The following MPPED2 variants were observed in gnomAD, a reference collection of about 807,000 sequenced individuals.
The protein encoded by MPPED2 is metallophosphoesterase MPPED2.
A neutral mutation model predicts 33.0 loss-of-function variants in MPPED2; 5 were observed. That is an observed-to-expected ratio of 0.15 (90% CI 0.08 to 0.32). The LOEUF is 0.32. MPPED2 is among the 10% of genes least tolerant of loss of function. MPPED2 has a pLI of 1.00. For synonymous variants in MPPED2, 136 were observed against 141.9 expected (o/e 0.96, Z 0.29); for missense variants, 275 against 372.1 (o/e 0.74, Z 2.15).
chr11:30,542,908 T>C, intron 2 of MPPED2, among the ~76,000 whole-genome samples: 1 of 152,176 alleles, frequency 6.6e-6, no homozygotes, highest in East Asian at 1.9e-4. Flanking sequence ...ATTTTAAAAA[T>C]GACAAAATAC....
chr11:30,540,107 TAGGTC>T (rs1955018012), intron 2 of MPPED2, among the ~76,000 whole-genome samples: 1 of 152,240 alleles, frequency 6.6e-6, no homozygotes, highest in Non-Finnish European at 1.5e-5. Context: ...GTAACAATTT[TAGGTC>T]AGTCATTGGC....
intron 4 of MPPED2, among the ~76,000 whole-genome samples, chr11:30,426,717 T>C (rs1446334012): frequency 3.3e-5 from 5 of 152,240 alleles, no homozygotes; most frequent in Non-Finnish European, 7.3e-5. Context: ...ACTTTGGCCT[T>C]CTTTTTTAAA....
At chr11:30,496,159 C>G (rs1952240775) in intron 3 of MPPED2, among the ~76,000 whole-genome samples, 1 of 152,044 alleles carries the variant, frequency 6.6e-6, no homozygotes, top group Non-Finnish European at 1.5e-5. Flanking sequence ...AAAGTTTAAC[C>G]CTCTTTTAAT....
intron 2 of MPPED2, among the ~76,000 whole-genome samples, chr11:30,567,820 A>G (rs1392007038): frequency 6.6e-6 from 1 of 152,240 alleles, no homozygotes; most frequent in Non-Finnish European, 1.5e-5. Context: ...ACTGAGAGTT[A>G]CACTGTCTCA....
chr11:30,468,073 A>C (rs1265603634), intron 4 of MPPED2, among the ~76,000 whole-genome samples: 1 of 152,182 alleles, frequency 6.6e-6, no homozygotes, highest in Non-Finnish European at 1.5e-5. Context: ...TTCAGTCCTC[A>C]TGTACTAGAG....
intron 4 of MPPED2, among the ~76,000 whole-genome samples, chr11:30,479,564 C>T (rs1389153558): frequency 6.6e-6 from 1 of 151,952 alleles, no homozygotes; most frequent in Non-Finnish European, 1.5e-5. Context: ...ATAGTGTAAG[C>T]AGAAAAGTCT....
At chr11:30,452,094 A>C in intron 4 of MPPED2, 1 of 985,440 alleles carries the variant, frequency 1.0e-6, no homozygotes. Context: ...CTGTGGAAAG[A>C]AAGCAGAAAG....
At chr11:30,515,476 G>A (rs1026523923) in intron 3 of MPPED2, among the ~76,000 whole-genome samples, 1 of 152,144 alleles carries the variant, frequency 6.6e-6, no homozygotes, top group Admixed American at 6.6e-5. Flanking sequence ...TCAGGCTTAG[G>A]AGATAGAAAC....
intron 2 of MPPED2, among the ~76,000 whole-genome samples, chr11:30,539,364 T>C (rs1954978437): frequency 6.6e-6 from 1 of 152,148 alleles, no homozygotes; most frequent in Non-Finnish European, 1.5e-5. Context: ...AGTGAGTATC[T>C]TACCAAGGCA....
intron 2 of MPPED2, among the ~76,000 whole-genome samples, chr11:30,564,909 T>C (rs1013816794): frequency 6.6e-6 from 1 of 152,158 alleles, no homozygotes; most frequent in Non-Finnish European, 1.5e-5. Context: ...CTGAGTAGCG[T>C]GGCTGTTCAT....
At chr11:30,420,852 T>A (rs1240609415) in intron 4 of MPPED2, among the ~76,000 whole-genome samples, 71 of 152,206 alleles carry the variant, frequency 4.7e-4, no homozygotes, top group Admixed American at 4.6e-3. Flanking sequence ...TCATTTGGGA[T>A]GCCCATCCTT....
In MPPED2 at chr11:30,426,001, C is replaced by T. The variant is rs191701356; in HGVS notation, c.537-8368G>A. Among the ~76,000 whole-genome samples the T allele has an allele frequency of 2.9e-3, 445 of 152,286 alleles. 2 individuals are homozygous for T. The highest frequency in any genetic ancestry group is 5.0e-3 in the Non-Finnish European group (343 of 68,016). On this transcript the variant is annotated intron_variant, in intron 4 of 6. Coordinates refer to ENST00000358117, the MANE Select transcript of MPPED2 (RefSeq NM_001584.3). ...CATAACACAAAATTTACCATTTTAA[C>T]CACTTTTAAGCTATAATTCAGTAGC... is the stretch of plus-strand genomic sequence containing the variant.
intron 4 of MPPED2, among the ~76,000 whole-genome samples, chr11:30,486,995 C>G (rs772739536): frequency 2.0e-5 from 3 of 152,178 alleles, no homozygotes; most frequent in African/African-American, 4.8e-5. Flanking sequence ...CCACCACCAC[C>G]CTGATTCACT....
chr11:30,405,143 G>A (rs976528745), intron 6 of MPPED2, among the ~76,000 whole-genome samples: 1 of 152,158 alleles, frequency 6.6e-6, no homozygotes. Context: ...ACCTAAACAT[G>A]ATAGCCCATT....
intron 6 of MPPED2, among the ~76,000 whole-genome samples, chr11:30,401,428 T>C (rs941726011): frequency 2.6e-5 from 4 of 152,202 alleles, no homozygotes; most frequent in Non-Finnish European, 5.9e-5. Flanking sequence ...AGATGTCCAG[T>C]GCTGACCTCA....
At chr11:30,479,506 C>T (rs1234755391) in intron 4 of MPPED2, among the ~76,000 whole-genome samples, 1 of 152,002 alleles carries the variant, frequency 6.6e-6, no homozygotes, top group Non-Finnish European at 1.5e-5. Context: ...CAACCAAAAG[C>T]TTGACAAATA....
chr11:30,447,773 G>T (rs1590307626), intron 4 of MPPED2, among the ~76,000 whole-genome samples: 1 of 152,092 alleles, frequency 6.6e-6, no homozygotes, highest in South Asian at 2.1e-4. Flanking sequence ...GCTTCAGAAT[G>T]AATCTTTACT....
chr11:30,422,810 C>T (rs181294469), intron 4 of MPPED2, among the ~76,000 whole-genome samples: 28 of 152,320 alleles, frequency 1.8e-4, no homozygotes, highest in Admixed American at 3.3e-4. Flanking sequence ...CCTGCAACCT[C>T]TCCCCTTCTA....
chr11:30,586,679 G>A (rs1194522126), upstream of MPPED2: 7 of 152,244 alleles, frequency 4.6e-5, no homozygotes, highest in Non-Finnish European at 2.9e-5. The surrounding 1 kb of genome is among the most constrained non-coding windows in gnomAD (Gnocchi z 4.8). Flanking sequence ...GAAAAGAAGG[G>A]AGCTTTCTCC....
Sources: gnomAD v4.1 joint callset for allele counts (sites outside exome capture counted in the v4.1 genomes callset) on GRCh38, gnomAD v4.1.1 for gene constraint, Gnocchi (gnomAD v3.1) non-coding constraint, MANE v1.5 for transcripts, NCBI Gene and HGNC (gene_info 2026-07-23, HGNC 2026-07-21) for gene names.